The following ACSM2A variants were observed in gnomAD, a reference collection of about 807,000 sequenced individuals.
ACSM2A encodes the protein acyl-coenzyme A synthetase ACSM2A, mitochondrial.
Under a neutral mutation model 76.6 loss-of-function variants are expected in ACSM2A, and 72 were observed. The ratio of observed to expected loss-of-function variants is 0.94; its 90% CI spans 0.78 to 1.14. The LOEUF is 1.14. ACSM2A is among the 50% of genes most tolerant of loss of function. The pLI is 0.00. For synonymous variants in ACSM2A, 249 were observed against 255.9 expected (o/e 0.97, Z 0.26); for missense variants, 684 against 708.5 (o/e 0.97, Z 0.39).
intron 4 of ACSM2A, among the ~76,000 whole-genome samples, chr16:20,470,502 C>T (rs1470012901): frequency 6.6e-6 from 1 of 152,198 alleles, no homozygotes; most frequent in Non-Finnish European, 1.5e-5. Flanking sequence ...ATAACTTCAG[C>T]TTTTCCTTTC....
At chr16:20,462,235 G>C (rs896072906) in intron 2 of ACSM2A, among the ~76,000 whole-genome samples, 3 of 152,110 alleles carry the variant, frequency 2.0e-5, no homozygotes, top group African/African-American at 4.8e-5. Context: ...ACAATGGCTG[G>C]TTATTGCTTA....
chr16:20,454,378 C>T (rs1474811126), intron 1 of ACSM2A, among the ~76,000 whole-genome samples: 8 of 151,992 alleles, frequency 5.3e-5, no homozygotes, highest in Non-Finnish European at 1.0e-4. Context: ...TTTGTAAACT[C>T]CAATGAACTT....
chr16:20,451,918 G>T (rs2011776621), intron 1 of ACSM2A, among the ~76,000 whole-genome samples: 1 of 149,094 alleles, frequency 6.7e-6, no homozygotes, highest in African/African-American at 2.5e-5. Context: ...TGGTAACAGG[G>T]GGCTGGTAGT....
At chr16:20,479,944 C>G (rs2013989107) in intron 10 of ACSM2A, among the ~76,000 whole-genome samples, 1 of 152,200 alleles carries the variant, frequency 6.6e-6, no homozygotes, top group South Asian at 2.1e-4. Context: ...TAGAGTGAGG[C>G]TAAGAATCCT....
rs2014405727 is a variant in ACSM2A, at chr16:20,486,790, A to C, written c.*112A>C. On this transcript the variant is annotated 3_prime_UTR_variant, in exon 14 of 14. Coordinates refer to ENST00000573854, the MANE Select transcript of ACSM2A (RefSeq NM_001308172.2). Reference sequence around the variant, plus strand: ...ATTCTTTATGGAAGAACATGAATATAAGTTTTGTCTTGCCTTGGTTATTAG... The same window carrying C: ...ATTCTTTATGGAAGAACATGAATATCAGTTTTGTCTTGCCTTGGTTATTAG... 26 of 1,340,080 alleles carry C rather than the reference A, an allele frequency of 1.9e-5. 1 individual carries two copies. The South Asian group carries it at 3.4e-4, about 18-fold the overall frequency. The allele number at this position is 1,340,080 out of a possible 1,614,324, so 83.0% of individuals were successfully genotyped here.
intron 2 of ACSM2A, among the ~76,000 whole-genome samples, 193 bp downstream of exon 2, chr16:20,460,484 G>A (rs1291983142): frequency 3.9e-5 from 6 of 152,132 alleles, no homozygotes; most frequent in Non-Finnish European, 8.8e-5. Flanking sequence ...AGGAAGAAAG[G>A]CACAGGAATG....
At chr16:20,471,370 T>C (rs529517976) in intron 5 of ACSM2A, among the ~76,000 whole-genome samples, 154 bp downstream of exon 5, 5 of 152,232 alleles carry the variant, frequency 3.3e-5, no homozygotes, top group African/African-American at 1.2e-4. Context: ...AGAACAACTT[T>C]TCTTCCCCCT....
chr16:20,461,683 G>A (rs2012631106), intron 2 of ACSM2A, among the ~76,000 whole-genome samples: 1 of 152,056 alleles, frequency 6.6e-6, no homozygotes. Flanking sequence ...AACTCAAATG[G>A]CCATTAAATA....
At position 20,486,933 on chromosome 16, in the gene ACSM2A, G is replaced by T; in HGVS notation, c.*255G>T. 1 of 352,724 alleles carries T rather than the reference G, an allele frequency of 2.8e-6. No homozygotes were observed. Among genetic ancestry groups the T allele is most frequent in the Non-Finnish European group, 5.1e-6 (1 of 197,772 alleles). The allele number at this position is 352,724 out of a possible 1,614,324, so 21.8% of individuals were successfully genotyped here. A position where few individuals can be genotyped will look rare whatever the true frequency, so the allele number is the denominator to read the frequency against. On this transcript the variant is annotated 3_prime_UTR_variant, in exon 14 of 14. Coordinates refer to ENST00000573854, the MANE Select transcript of ACSM2A (RefSeq NM_001308172.2). ...AGTAAGTCAGGGAAATATTAAAACT[G>T]CAAGGGAAAGCAATTGAAAAAGAAA...
In ACSM2A at chr16:20,471,591, A is replaced by C. The variant is rs375129611; in HGVS notation, c.796A>C (p.Ile266Leu). The C allele has an allele frequency of 2.3e-5, 37 of 1,613,962 alleles. No individual in the cohort carries two copies. The African/African-American group carries it at 4.8e-4, about 21-fold the overall frequency. ...IMWTISDTGW[I>L]LNILCSLMEP... The stretch of plus-strand genomic sequence containing the variant: ...GTGGACCATATCAGACACAGGTTGG[A>C]TACTGAACATCTTGTGCTCACTTAT... Residue 266 changes from isoleucine to leucine, a missense_variant, in exon 6 of 14, where the codon ATA (isoleucine) becomes CTA (leucine). Coordinates refer to ENST00000573854, the MANE Select transcript of ACSM2A (RefSeq NM_001308172.2).
intron 2 of ACSM2A, among the ~76,000 whole-genome samples, chr16:20,464,826 A>C (rs1005798233): frequency 2.6e-5 from 4 of 152,164 alleles, no homozygotes; most frequent in African/African-American, 9.7e-5. Context: ...CAGAGTTTTC[A>C]TTTTGGATGA....
chr16:20,464,139 G>A (rs2012810164), intron 2 of ACSM2A, among the ~76,000 whole-genome samples: 1 of 152,138 alleles, frequency 6.6e-6, no homozygotes, highest in Admixed American at 6.5e-5. Context: ...AATTCTATCA[G>A]CATTTTGGTC....
At chr16:20,474,404 G>C (rs992230513) in intron 6 of ACSM2A, among the ~76,000 whole-genome samples, 1 of 152,030 alleles carries the variant, frequency 6.6e-6, no homozygotes, top group East Asian at 1.9e-4. Context: ...GCTCTACCTC[G>C]TGAGCCCCTT....
intron 5 of ACSM2A, 127 bp downstream of exon 5, chr16:20,471,343 A>T: frequency 6.7e-7 from 1 of 1,494,256 alleles, no homozygotes; most frequent in Non-Finnish European, 9.0e-7. Flanking sequence ...TCTCCTGTTG[A>T]TACAGGATGT....
intron 5 of ACSM2A, 110 bp downstream of exon 5, chr16:20,471,326 AC>A: frequency 6.6e-7 from 1 of 1,521,034 alleles, no homozygotes; most frequent in South Asian, 1.3e-5. Context: ...CACCTTCTGA[AC>A]ATTCATCTCC....
At chr16:20,462,556 T>C (rs2141698934) in intron 2 of ACSM2A, among the ~76,000 whole-genome samples, 1 of 152,274 alleles carries the variant, frequency 6.6e-6, no homozygotes, top group African/African-American at 2.4e-5. Flanking sequence ...TGGAGGCAAA[T>C]TTTGAAATAT....
intron 6 of ACSM2A, among the ~76,000 whole-genome samples, chr16:20,474,584 A>G (rs2013614410): frequency 6.6e-6 from 1 of 152,234 alleles, no homozygotes; most frequent in Admixed American, 6.5e-5. Flanking sequence ...TTACAGCAAA[A>G]GAAAACAGAT....
At chr16:20,461,173 G>C (rs1285950696) in intron 2 of ACSM2A, among the ~76,000 whole-genome samples, 2 of 144,348 alleles carry the variant, frequency 1.4e-5, no homozygotes, top group Non-Finnish European at 3.0e-5. Context: ...ATACATTGGT[G>C]CTCAAAAAGA....
At chr16:20,462,533 G>A (rs1359508265) in intron 2 of ACSM2A, among the ~76,000 whole-genome samples, 3 of 152,148 alleles carry the variant, frequency 2.0e-5, no homozygotes, top group East Asian at 1.9e-4. Context: ...ACCAAAAAGT[G>A]CTATAACTCT....
Sources: allele counts gnomAD v4.1 joint callset (sites outside exome capture counted in the v4.1 genomes callset), GRCh38; gene constraint gnomAD v4.1.1; transcripts MANE v1.5; gene names NCBI Gene and HGNC (gene_info 2026-07-23, HGNC 2026-07-21).